Variants in KCNH1 observed in about 807,000 individuals in gnomAD.
KCNH1 encodes voltage-gated delayed rectifier potassium channel KCNH1.
KCNH1 carries 27 observed loss-of-function variants against 69.2 expected under a neutral mutation model. That is an observed-to-expected ratio of 0.39 (90% CI 0.29 to 0.54). KCNH1 has a LOEUF of 0.54. Ranked by LOEUF, KCNH1 falls within the 20% of genes least tolerant of loss-of-function variation. KCNH1 has a pLI of 0.68. For missense variants in KCNH1, 798 were observed against 1,261.6 expected (o/e 0.63, Z 5.57); for synonymous variants, 456 against 487.7 (o/e 0.93, Z 0.86).
chr1:210,703,202 G>A (rs1180750464), intron 10 of KCNH1, among the ~76,000 whole-genome samples: 1 of 152,104 alleles, frequency 6.6e-6, no homozygotes, highest in Non-Finnish European at 1.5e-5. Context: ...GGCAAAATGG[G>A]AAAATACTTG....
chr1:210,714,848 T>G (rs1682183130), intron 10 of KCNH1, among the ~76,000 whole-genome samples: 2 of 152,320 alleles, frequency 1.3e-5, no homozygotes, highest in South Asian at 4.1e-4. Flanking sequence ...TTGACTTGAT[T>G]TATGCAGTGC....
At chr1:210,821,997 C>A (rs1490398457) in intron 7 of KCNH1, among the ~76,000 whole-genome samples, 1 of 151,974 alleles carries the variant, frequency 6.6e-6, no homozygotes, top group Non-Finnish European at 1.5e-5. Context: ...CCACTGTGCC[C>A]AGCTCTATCT....
intron 7 of KCNH1, among the ~76,000 whole-genome samples, chr1:210,916,282 C>T (rs1028295517): frequency 5.9e-5 from 9 of 152,202 alleles, no homozygotes; most frequent in South Asian, 2.1e-4. Context: ...CAACGCATTA[C>T]GCCAAGTGCA....
chr1:210,995,182 C>G (rs1198713616), intron 6 of KCNH1, among the ~76,000 whole-genome samples: 1 of 152,162 alleles, frequency 6.6e-6, no homozygotes, highest in East Asian at 1.9e-4. Context: ...GTAGAAGTCA[C>G]TGGACAGGCT....
intron 7 of KCNH1, among the ~76,000 whole-genome samples, chr1:210,895,162 CTTT>C: frequency 7.2e-6 from 1 of 139,300 alleles, no homozygotes. Context: ...CTTTTGTTTC[CTTT>C]TTTTTTTTTC....
At chr1:211,059,157 G>C (rs1272372507) in intron 5 of KCNH1, among the ~76,000 whole-genome samples, 1 of 151,936 alleles carries the variant, frequency 6.6e-6, no homozygotes, top group African/African-American at 2.4e-5. Context: ...GCATGTGCCT[G>C]TACTCCCAGC....
At chr1:210,920,751 A>G (rs1424270036) in intron 6 of KCNH1, among the ~76,000 whole-genome samples, 9 of 152,132 alleles carry the variant, frequency 5.9e-5, no homozygotes, top group Non-Finnish European at 1.2e-4. Context: ...AAGAAATGAG[A>G]CTCTGGTTCC....
At chr1:211,057,130 T>A (rs1187449266) in intron 5 of KCNH1, among the ~76,000 whole-genome samples, 2 of 152,056 alleles carry the variant, frequency 1.3e-5, no homozygotes, top group African/African-American at 4.8e-5. Context: ...AAATTCAAGA[T>A]AACATAGAGA....
chr1:211,095,324 C>A (rs891969748), intron 3 of KCNH1, among the ~76,000 whole-genome samples: 1 of 152,192 alleles, frequency 6.6e-6, no homozygotes, highest in African/African-American at 2.4e-5. Context: ...CACCCAGGAA[C>A]AACATAGCAC....
At chr1:211,051,730 A>G (rs377207042) in intron 5 of KCNH1, among the ~76,000 whole-genome samples, 2 of 152,212 alleles carry the variant, frequency 1.3e-5, no homozygotes, top group African/African-American at 4.8e-5. Flanking sequence ...AAGACATTAA[A>G]GGATTTTTAA....
At chr1:210,834,754 T>C (rs1188297112) in intron 7 of KCNH1, among the ~76,000 whole-genome samples, 1 of 150,480 alleles carries the variant, frequency 6.6e-6, no homozygotes. Context: ...GGGCCTTTGG[T>C]AGGTGATTAG....
rs534729157 is a variant in KCNH1, at chr1:210,906,261, G to A, written c.1462+13379C>T. ...TAGGGCCCAGATGACTGTGAAAAGCGGGTCAGTAATTTCATATGGAGCAAG... is the reference window on the plus strand; with the variant it reads ...TAGGGCCCAGATGACTGTGAAAAGCAGGTCAGTAATTTCATATGGAGCAAG... On this transcript the variant is annotated intron_variant, in intron 7 of 10. Coordinates refer to ENST00000271751, the MANE Select transcript of KCNH1 (RefSeq NM_172362.3). Among the ~76,000 whole-genome samples, 18 of 152,314 alleles carry A rather than the reference G, an allele frequency of 1.2e-4. 1 individual carries two copies. Among genetic ancestry groups the A allele is most frequent in the African/African-American group, 3.1e-4 (13 of 41,566 alleles).
rs576493310 is a variant in KCNH1 at position 210,849,957 on chromosome 1, A to G, written c.1463-45791T>C. 9.9e-4 allele frequency among the ~76,000 whole-genome samples: 150 copies of G among 152,082 alleles called. 1 individual carries two copies. The highest frequency in any genetic ancestry group is 3.5e-3 in the African/African-American group (144 of 41,554). The stretch of plus-strand genomic sequence containing the variant: ...TTTAAAAAATAAATAAATAAAAATA[A>G]AGATATAATTGACATGTTAAATCTA... On this transcript the variant is annotated intron_variant, in intron 7 of 10. Coordinates refer to ENST00000271751, the MANE Select transcript of KCNH1 (RefSeq NM_172362.3).
intron 5 of KCNH1, among the ~76,000 whole-genome samples, chr1:211,044,893 C>G (rs924181113): frequency 6.6e-6 from 1 of 151,584 alleles, no homozygotes. Context: ...CCAACAATCC[C>G]ACTACTGGTT....
intron 7 of KCNH1, among the ~76,000 whole-genome samples, chr1:210,856,874 C>A (rs1188479618): frequency 1.6e-3 from 49 of 30,684 alleles, no homozygotes; most frequent in East Asian, 2.3e-3. Flanking sequence ...TATATATAAC[C>A]CACTATATAT....
intron 6 of KCNH1, among the ~76,000 whole-genome samples, chr1:210,982,034 A>G (rs1307783731): frequency 6.6e-6 from 1 of 152,106 alleles, no homozygotes; most frequent in Admixed American, 6.6e-5. Flanking sequence ...TCAGGAATCA[A>G]TCAGGCAAGA....
chr1:211,032,854 A>G (rs1689815494), intron 5 of KCNH1, among the ~76,000 whole-genome samples: 1 of 152,226 alleles, frequency 6.6e-6, no homozygotes, highest in Non-Finnish European at 1.5e-5. Flanking sequence ...AGGCATGGGC[A>G]AGGACTTCAC....
At chr1:210,878,167 A>G (rs532436001) in intron 7 of KCNH1, among the ~76,000 whole-genome samples, 64 of 152,264 alleles carry the variant, frequency 4.2e-4, no homozygotes, top group Non-Finnish European at 7.9e-4. Flanking sequence ...ATAGGACTGC[A>G]AGGAGAAAAA....
chr1:210,782,213 T>G (rs1684000801), intron 9 of KCNH1, among the ~76,000 whole-genome samples: 1 of 152,158 alleles, frequency 6.6e-6, no homozygotes, highest in African/African-American at 2.4e-5. Flanking sequence ...TGAATGTATA[T>G]ATAAATGAAC....
Sources: gnomAD v4.1 joint callset for allele counts (sites outside exome capture counted in the v4.1 genomes callset) on GRCh38, gnomAD v4.1.1 for gene constraint, MANE v1.5 for transcripts, NCBI Gene and HGNC (gene_info 2026-07-23, HGNC 2026-07-21) for gene names.